WWOX: variants seen among roughly 807,000 people sequenced by gnomAD.
WWOX encodes the protein WW domain-containing oxidoreductase.
A neutral mutation model predicts 46.2 loss-of-function variants in WWOX; 69 were observed. The observed-to-expected ratio is 1.49, with a 90% confidence interval of 1.23 to 1.82. The LOEUF is 1.82. Among genes scored for constraint, WWOX ranks in the 40% most tolerant of loss-of-function variants. The probability of loss-of-function intolerance (pLI) is 0.00; values close to 1 mark genes in which losing one functional copy is unlikely to be tolerated. For synonymous variants in WWOX, 359 were observed against 202.6 expected (o/e 1.77, Z -6.56); for missense variants, 919 against 542.6 (o/e 1.69, Z -6.89).
At chr16:78,209,144 A>G (rs571200072) in intron 5 of WWOX, among the ~76,000 whole-genome samples, 38 of 152,350 alleles carry the variant, frequency 2.5e-4, no homozygotes, top group African/African-American at 9.1e-4. Flanking sequence ...AAAATAGGTT[A>G]TAAATTATAA....
intron 6 of WWOX, among the ~76,000 whole-genome samples, chr16:78,418,837 A>T (rs1322391302): frequency 6.6e-6 from 1 of 152,192 alleles, no homozygotes; most frequent in African/African-American, 2.4e-5. Flanking sequence ...AAATGACATC[A>T]TAATTAATGC....
chr16:78,864,963 A>G (rs1242275642), intron 8 of WWOX, among the ~76,000 whole-genome samples: 2 of 151,712 alleles, frequency 1.3e-5, no homozygotes, highest in Admixed American at 6.6e-5. Flanking sequence ...GGGTTTTACC[A>G]TGTTGGCCAG....
chr16:78,897,424 A>G (rs1597121398), intron 8 of WWOX: 1 of 151,828 alleles, frequency 6.6e-6, no homozygotes, highest in South Asian at 2.1e-4. Flanking sequence ...AATCATACCT[A>G]CTGCTTTGTA....
chr16:78,958,470 T>C (rs995970123), intron 8 of WWOX, among the ~76,000 whole-genome samples: 2 of 152,244 alleles, frequency 1.3e-5, no homozygotes, highest in Non-Finnish European at 2.9e-5. Context: ...AGAGGTTTTA[T>C]GGTTCTGAAA....
intron 8 of WWOX, among the ~76,000 whole-genome samples, chr16:79,044,591 G>A (rs1194127871): frequency 6.6e-6 from 1 of 152,228 alleles, no homozygotes; most frequent in East Asian, 1.9e-4. Flanking sequence ...AAGCCAGGCA[G>A]CTGCCAGTAT....
chr16:78,820,105 C>G (rs1843403972), intron 8 of WWOX, among the ~76,000 whole-genome samples: 2 of 152,148 alleles, frequency 1.3e-5, no homozygotes, highest in Admixed American at 6.5e-5. Flanking sequence ...GAGCACCTGT[C>G]ATGGGCCTGG....
intron 5 of WWOX, among the ~76,000 whole-genome samples, chr16:78,323,015 C>G (rs1206034211): frequency 1.3e-5 from 2 of 152,162 alleles, no homozygotes; most frequent in Non-Finnish European, 1.5e-5. Flanking sequence ...GCACTCCAGC[C>G]TGGGTGACAG....
intron 8 of WWOX, chr16:79,204,338 G>C (rs554780540): frequency 6.6e-6 from 1 of 152,240 alleles, no homozygotes; most frequent in East Asian, 1.9e-4. Flanking sequence ...GGCACAAATG[G>C]AAGATGGAAC....
intron 8 of WWOX, among the ~76,000 whole-genome samples, chr16:78,443,411 T>C (rs1476203476): frequency 2.0e-5 from 3 of 152,198 alleles, no homozygotes; most frequent in East Asian, 3.9e-4. Context: ...GTGCAGATTT[T>C]AAGCCCTCCA....
At chr16:79,170,873 G>C (rs971287723) in intron 8 of WWOX, among the ~76,000 whole-genome samples, 1 of 152,082 alleles carries the variant, frequency 6.6e-6, no homozygotes, top group African/African-American at 2.4e-5. Context: ...CATCAACTTT[G>C]GCCAAACCTT....
intron 8 of WWOX, among the ~76,000 whole-genome samples, chr16:79,043,255 C>T (rs956430227): frequency 6.6e-6 from 1 of 152,018 alleles, no homozygotes; most frequent in Non-Finnish European, 1.5e-5. Flanking sequence ...GGAAACTTTA[C>T]AATGAACTTC....
At chr16:78,844,096 C>T (rs557674745) in intron 8 of WWOX, among the ~76,000 whole-genome samples, 5 of 152,234 alleles carry the variant, frequency 3.3e-5, no homozygotes, top group South Asian at 2.1e-4. Flanking sequence ...TCTAAGGTGA[C>T]GCTGGGTGCC....
At chr16:78,117,546 G>C (rs1380147028) in intron 4 of WWOX, among the ~76,000 whole-genome samples, 4 of 152,180 alleles carry the variant, frequency 2.6e-5, no homozygotes, top group African/African-American at 9.7e-5. Context: ...AGAGGCTGCA[G>C]ATAGGCACAT....
At chr16:78,337,553 G>A (rs539650197) in intron 5 of WWOX, among the ~76,000 whole-genome samples, 12 of 152,272 alleles carry the variant, frequency 7.9e-5, no homozygotes, top group African/African-American at 2.6e-4. Flanking sequence ...TTTGTTCAAT[G>A]CATAATGACA....
chr16:78,562,626 C>G (rs778655935), intron 8 of WWOX, among the ~76,000 whole-genome samples: 1 of 152,218 alleles, frequency 6.6e-6, no homozygotes, highest in African/African-American at 2.4e-5. Context: ...AGGCCTGTTT[C>G]CATACATAGC....
chr16:78,106,421 G>GGT (rs2032149555), intron 1 of WWOX, among the ~76,000 whole-genome samples: 2 of 123,000 alleles, frequency 1.6e-5, no homozygotes, highest in Non-Finnish European at 3.3e-5. Flanking sequence ...GTTTTTTTTT[G>GGT]TTTTTTTTTT....
At chr16:78,464,385 G>A (rs529603696) in intron 8 of WWOX, among the ~76,000 whole-genome samples, 17 of 152,114 alleles carry the variant, frequency 1.1e-4, no homozygotes, top group South Asian at 6.2e-4. Context: ...GAGGTAGAGA[G>A]GCAGGGAGAT....
chr16:78,689,856 T>C (rs1354476309), intron 8 of WWOX, among the ~76,000 whole-genome samples: 3 of 152,044 alleles, frequency 2.0e-5, no homozygotes, highest in Admixed American at 2.0e-4. Context: ...CTTTGTTTTT[T>C]GTTTTTTTTG....
At chr16:78,914,417 G>T (rs114668635) in intron 8 of WWOX, among the ~76,000 whole-genome samples, 1 of 152,122 alleles carries the variant, frequency 6.6e-6, no homozygotes, top group South Asian at 2.1e-4. Flanking sequence ...AATGAATGAG[G>T]GATTTGCAGC....
Sources: gnomAD v4.1 joint callset for allele counts (sites outside exome capture counted in the v4.1 genomes callset) on GRCh38, gnomAD v4.1.1 for gene constraint, MANE v1.5 for transcripts, NCBI Gene and HGNC (gene_info 2026-07-23, HGNC 2026-07-21) for gene names.